PRKAR1A: variants seen among roughly 807,000 people sequenced by gnomAD.
The protein encoded by PRKAR1A is cAMP-dependent protein kinase type I-alpha regulatory subunit.
PRKAR1A carries 3 observed loss-of-function variants against 52.0 expected under a neutral mutation model. That is an observed-to-expected ratio of 0.06 (90% CI 0.03 to 0.15). The LOEUF (loss-of-function observed/expected upper bound fraction) is 0.15, where lower values mean the gene tolerates loss of function less well. Ranked by LOEUF, PRKAR1A falls within the 10% of genes least tolerant of loss-of-function variation. The pLI is 1.00. For synonymous variants in PRKAR1A, 188 were observed against 168.4 expected (o/e 1.12, Z -0.90); for missense variants, 240 against 477.4 (o/e 0.50, Z 4.63).
chr17:68,455,676 T>C, the PRKAR1A span, among the ~76,000 whole-genome samples: 181 of 152,288 alleles, frequency 1.2e-3, no homozygotes, highest in Middle Eastern at 3.4e-3. Context: ...AAACTAACAG[T>C]AGGGAGTAAG....
the PRKAR1A span, among the ~76,000 whole-genome samples, chr17:68,416,642 C>T: frequency 6.6e-6 from 1 of 152,178 alleles, no homozygotes; most frequent in Non-Finnish European, 1.5e-5. Context: ...TCCCAGCCTT[C>T]TTGGAGGCTT....
At chr17:68,498,544 AG>A in the PRKAR1A span, among the ~76,000 whole-genome samples, 2 of 152,230 alleles carry the variant, frequency 1.3e-5, no homozygotes, top group African/African-American at 4.8e-5. Context: ...CACTGGGTAC[AG>A]TCAGGGTCAA....
At chr17:68,492,621 G>A in the PRKAR1A span, among the ~76,000 whole-genome samples, 4 of 152,274 alleles carry the variant, frequency 2.6e-5, no homozygotes, top group South Asian at 6.2e-4. Flanking sequence ...GTGTGTTAGC[G>A]CTTGGGAACG....
upstream of PRKAR1A, among the ~76,000 whole-genome samples, chr17:68,509,963 T>C (rs1403427290): frequency 6.6e-6 from 1 of 152,180 alleles, no homozygotes; most frequent in East Asian, 1.9e-4. Context: ...CAGCTCAATG[T>C]CAGCAGCTTG....
chr17:68,414,142 C>G, the PRKAR1A span: 3 of 153,110 alleles, frequency 2.0e-5, no homozygotes, highest in African/African-American at 7.2e-5. Context: ...GCTCCTCCCC[C>G]TGGCTGTGGG....
the PRKAR1A span, chr17:68,435,749 G>C: frequency 6.3e-7 from 1 of 1,591,342 alleles, no homozygotes; most frequent in East Asian, 2.2e-5. Context: ...CAGATGCTGC[G>C]GAGGAGGGAA....
chr17:68,458,542 G>T, the PRKAR1A span, among the ~76,000 whole-genome samples: 1 of 152,114 alleles, frequency 6.6e-6, no homozygotes, highest in Admixed American at 6.5e-5. Flanking sequence ...AGACCTATCC[G>T]ATCCGCAGCT....
chr17:68,541,989 CT>C, intron 11 of PRKAR1A: 1 of 1,613,266 alleles, frequency 6.2e-7, no homozygotes, highest in Non-Finnish European at 8.5e-7. Flanking sequence ...ACTCACTCCT[CT>C]TTTCCTGCCA....
At position 68,524,976 on chromosome 17, in the gene PRKAR1A, C is replaced by CAA. The variant is rs1568697563; in HGVS notation, c.549+22_549+23dup. Reference sequence around the variant, plus strand: ...AGACGGATGTAAGATTTACCAATATCAAAAATATGTTGATCTTAAAAGCCA... The same window carrying CAA: ...AGACGGATGTAAGATTTACCAATATCAAAAAAATATGTTGATCTTAAAAGCCA... On this transcript the variant is annotated intron_variant, in intron 6 of 10. Coordinates refer to ENST00000589228, the MANE Select transcript of PRKAR1A (RefSeq NM_002734.5). 6.3e-7 allele frequency: 1 copy of CAA among 1,587,744 alleles called. No homozygotes were observed. The highest frequency in any genetic ancestry group is 1.3e-5 in the African/African-American group (1 of 74,262).
the PRKAR1A span, chr17:68,427,081 G>C: frequency 1.4e-6 from 2 of 1,451,188 alleles, no homozygotes; most frequent in East Asian, 2.3e-5. Flanking sequence ...GCAGGGAGAA[G>C]GGGAGGGAGG....
the PRKAR1A span, among the ~76,000 whole-genome samples, chr17:68,476,903 G>A: frequency 2.0e-5 from 3 of 151,994 alleles, no homozygotes; most frequent in South Asian, 2.1e-4. Context: ...CTTGTGATCC[G>A]CTCACCTCGG....
intron 11 of PRKAR1A, chr17:68,541,655 T>C (rs370150663): frequency 1.7e-5 from 4 of 230,714 alleles, no homozygotes; most frequent in Non-Finnish European, 3.4e-5. Context: ...TCCCTGGTTA[T>C]AGCAAGTGCT....
At chr17:68,454,621 C>G in the PRKAR1A span, among the ~76,000 whole-genome samples, 1 of 152,192 alleles carries the variant, frequency 6.6e-6, no homozygotes, top group South Asian at 2.1e-4. Context: ...TGACAAACAG[C>G]AACTGGAAAA....
At chr17:68,454,844 C>T in the PRKAR1A span, among the ~76,000 whole-genome samples, 2 of 152,112 alleles carry the variant, frequency 1.3e-5, no homozygotes, top group African/African-American at 4.8e-5. Context: ...CAAACATAAG[C>T]CCTGCTCCTG....
At chr17:68,431,706 C>T in the PRKAR1A span, among the ~76,000 whole-genome samples, 2 of 8,560 alleles carry the variant, frequency 2.3e-4, no homozygotes, top group African/African-American at 1.4e-3. Context: ...CCCTGGCCAG[C>T]GAAGCAGGGC....
the PRKAR1A span, among the ~76,000 whole-genome samples, chr17:68,481,849 C>T: frequency 6.6e-6 from 1 of 152,176 alleles, no homozygotes. Context: ...GAACACTTCT[C>T]GGATGGATGG....
rs1288156769 is a variant in PRKAR1A at position 68,531,746 on chromosome 17, T to C, written c.*1297T>C. 1 of 1,049,912 alleles carries C rather than the reference T, an allele frequency of 9.5e-7. No homozygotes were observed. The highest frequency in any genetic ancestry group is 1.2e-6 in the Non-Finnish European group (1 of 864,884). The allele number at this position is 1,049,912 out of a possible 1,614,324, so 65.0% of individuals were successfully genotyped here. On this transcript the variant is annotated 3_prime_UTR_variant, in exon 11 of 11. Transcript: ENST00000589228. ...TTTTAAAGTAAACTTGTGTATTGAGTCTTAACTGTATTTCAGTATTTTCCA... is the reference window on the plus strand; with the variant it reads ...TTTTAAAGTAAACTTGTGTATTGAGCCTTAACTGTATTTCAGTATTTTCCA...
the PRKAR1A span, among the ~76,000 whole-genome samples, chr17:68,495,300 T>G: frequency 6.6e-6 from 1 of 152,228 alleles, no homozygotes; most frequent in African/African-American, 2.4e-5. Context: ...CCCAAAGTGC[T>G]GGGGTTACAG....
chr17:68,443,727 T>C, the PRKAR1A span, among the ~76,000 whole-genome samples: 5 of 152,202 alleles, frequency 3.3e-5, no homozygotes, highest in South Asian at 4.1e-4. Context: ...TGTTCAATGA[T>C]ACTAAACTGA....
Sources: allele counts gnomAD v4.1 joint callset (sites outside exome capture counted in the v4.1 genomes callset), GRCh38; gene constraint gnomAD v4.1.1; transcripts MANE v1.5; gene names NCBI Gene and HGNC (gene_info 2026-07-23, HGNC 2026-07-21).